The following FBN1 variants were observed in gnomAD, a reference collection of about 807,000 sequenced individuals.
The protein encoded by FBN1 is fibrillin 1.
Under a neutral mutation model 365.1 loss-of-function variants are expected in FBN1, and 29 were observed. The observed-to-expected ratio is 0.08, with a 90% CI of 0.06 to 0.11. FBN1 has a LOEUF of 0.11. Ranked by LOEUF, FBN1 falls within the 10% of genes least tolerant of loss-of-function variation. FBN1 has a pLI of 1.00. For synonymous variants in FBN1, 1,210 were observed against 1,270.5 expected (o/e 0.95, Z 1.01); for missense variants, 2,476 against 3,703.2 (o/e 0.67, Z 8.60).
At chr15:48,588,379 A>G (rs77442337) in intron 6 of FBN1, among the ~76,000 whole-genome samples, 1,711 of 152,302 alleles carry the variant, frequency 0.011, 37 homozygotes, top group African/African-American at 0.04. Flanking sequence ...TTATATTTCT[A>G]TTGTTCAGTA....
intron 40 of FBN1, 45 bp from the exon 41 acceptor site, chr15:48,464,066 A>G: frequency 2.5e-6 from 4 of 1,601,100 alleles, no homozygotes; most frequent in Non-Finnish European, 3.4e-6. Flanking sequence ...AAAACTTCAC[A>G]TTTTGGAATG....
At chr15:48,513,328 T>C (rs1385224139) in intron 13 of FBN1, among the ~76,000 whole-genome samples, 1 of 152,228 alleles carries the variant, frequency 6.6e-6, no homozygotes, top group Non-Finnish European at 1.5e-5. Context: ...AATAAGATTT[T>C]CCTTCAGGCA....
chr15:48,599,005 G>A (rs547071311), intron 5 of FBN1, among the ~76,000 whole-genome samples: 1 of 152,104 alleles, frequency 6.6e-6, no homozygotes, highest in Non-Finnish European at 1.5e-5. Context: ...CATGTAAGAC[G>A]TGACTTGTTG....
intron 50 of FBN1, among the ~76,000 whole-genome samples, chr15:48,441,479 T>C (rs574765075): frequency 1.3e-5 from 2 of 152,296 alleles, no homozygotes; most frequent in South Asian, 2.1e-4. Flanking sequence ...TTTGTGTTCT[T>C]AGTGGGAGAG....
chr15:48,604,803 T>A (rs529829148), intron 4 of FBN1, among the ~76,000 whole-genome samples: 14 of 152,308 alleles, frequency 9.2e-5, no homozygotes, highest in African/African-American at 3.1e-4. Flanking sequence ...TTCCTCTGAA[T>A]GTCCCCACAC....
At chr15:48,584,213 A>G (rs551762046) in intron 6 of FBN1, among the ~76,000 whole-genome samples, 1 of 152,312 alleles carries the variant, frequency 6.6e-6, no homozygotes, top group East Asian at 1.9e-4. Context: ...CAATCTTACT[A>G]GATAAATACT....
intron 10 of FBN1, among the ~76,000 whole-genome samples, chr15:48,517,411 AAGGG>A (rs1478507505): frequency 1.3e-4 from 20 of 152,300 alleles, no homozygotes; most frequent in African/African-American, 4.1e-4. Context: ...AGTGGCCCAT[AAGGG>A]AGGAGAAACA....
At chr15:48,575,378 A>C (rs1044862622) in intron 6 of FBN1, among the ~76,000 whole-genome samples, 4 of 152,144 alleles carry the variant, frequency 2.6e-5, no homozygotes, top group Non-Finnish European at 5.9e-5. Context: ...TAGGGGGTAC[A>C]AGCGCAGGTT....
At chr15:48,506,640 G>T (rs993423754) in intron 15 of FBN1, among the ~76,000 whole-genome samples, 2 of 152,212 alleles carry the variant, frequency 1.3e-5, no homozygotes, top group Non-Finnish European at 1.5e-5. Context: ...AGTGAACAGA[G>T]AAGCCATGTT....
Position 48,596,397 on chromosome 15 carries a change from G to A in FBN1, c.443-19C>T. ...CAAACAGCTGTAAAATAAGGAGAGA[G>A]CTGAGACGCTTTACCTGAAAATAAA... On this transcript the variant is annotated intron_variant, in intron 5 of 65. Transcript: ENST00000316623. The A allele has an allele frequency of 6.2e-7, 1 of 1,605,280 alleles. No individual in the cohort carries two copies. Among genetic ancestry groups the A allele is most frequent in the South Asian group, 1.1e-5 (1 of 90,902 alleles).
intron 6 of FBN1, among the ~76,000 whole-genome samples, chr15:48,591,695 C>T (rs2044477853): frequency 6.6e-6 from 1 of 152,214 alleles, no homozygotes; most frequent in Non-Finnish European, 1.5e-5. Context: ...TACCGTTCCT[C>T]AGAAAAGTCT....
rs1374615543 is a variant in FBN1, at chr15:48,437,759, C to T, written c.6313+9G>A. On this transcript the variant is annotated intron_variant, in intron 51 of 65. Transcript: ENST00000316623. ...ATGGCCCAGAGAGAAATGCAGATGA[C>T]AGACATACCATCAGGTTCCGTGGGG... is the stretch of plus-strand genomic sequence containing the variant. The T allele has an allele frequency of 3.7e-6, 6 of 1,613,302 alleles. No individual in the cohort carries two copies. The African/African-American group carries it at 8.0e-5, about 22-fold the overall frequency.
At chr15:48,448,144 T>A (rs541439873) in intron 46 of FBN1, among the ~76,000 whole-genome samples, 1 of 152,252 alleles carries the variant, frequency 6.6e-6, no homozygotes, top group East Asian at 1.9e-4. Context: ...ACTATATTAA[T>A]TGTTCTTTCA....
At chr15:48,474,449 T>G in intron 33 of FBN1, 72 bp from the exon 34 acceptor site, 1 of 1,611,330 alleles carries the variant, frequency 6.2e-7, no homozygotes, top group Non-Finnish European at 8.5e-7. Context: ...CAAATTAAAA[T>G]AACTTTACAT....
At chr15:48,586,881 C>T (rs2044439860) in intron 6 of FBN1, among the ~76,000 whole-genome samples, 1 of 152,022 alleles carries the variant, frequency 6.6e-6, no homozygotes. Flanking sequence ...ATCCAGATCT[C>T]CAAGATGAAG....
Position 48,420,688 on chromosome 15 carries a change from A to T in FBN1, c.7818T>A (p.Val2606=), listed in dbSNP as rs760944600. 6.2e-7 allele frequency: 1 copy of T among 1,614,144 alleles called. No individual in the cohort carries two copies. Among genetic ancestry groups the T allele is most frequent in the East Asian group, 2.2e-5 (1 of 44,878 alleles). The change falls in exon 63 of 66, where the codon GTT becomes GTA. Residue 2606 remains valine, a splice_region_variant and synonymous_variant. Coordinates refer to ENST00000316623, the MANE Select transcript of FBN1 (RefSeq NM_000138.5). ...YLQHYQWNQC[V]DENECLSAHI... ...TGAGAGTGAGGAAAAGTTACTTGCC[A>T]ACACACTGGTTCCACTGGTAGTGCT...
At chr15:48,448,062 A>C (rs2043172602) in intron 46 of FBN1, among the ~76,000 whole-genome samples, 1 of 152,178 alleles carries the variant, frequency 6.6e-6, no homozygotes, top group Non-Finnish European at 1.5e-5. Context: ...ACTCTGGAGA[A>C]GATACAACTT....
chr15:48,486,943 T>A (rs2043511922), intron 29 of FBN1, 132 bp downstream of exon 29: 2 of 683,792 alleles, frequency 2.9e-6, no homozygotes, highest in East Asian at 7.0e-5. Context: ...AAAGTAGCGA[T>A]GAAAACAAAA....
In FBN1 at chr15:48,432,737, C is replaced by T. The variant is rs1189327390; in HGVS notation, c.6739+129G>A. 10 of 1,230,740 alleles carry T rather than the reference C, an allele frequency of 8.1e-6. No individual in the cohort carries two copies. The East Asian group carries it at 9.5e-5, about 12-fold the overall frequency. The allele number at this position is 1,230,740 out of a possible 1,614,324, so 76.2% of individuals were successfully genotyped here. The stretch of plus-strand genomic sequence containing the variant: ...TTAGGGGGAAACGTGGCAGTGACAA[C>T]CCCCGTATTGTCCACGGACTATTTA... On this transcript the variant is annotated intron_variant, in intron 55 of 65. Coordinates refer to ENST00000316623, the MANE Select transcript of FBN1 (RefSeq NM_000138.5).
Sources: allele counts gnomAD v4.1 joint callset (sites outside exome capture counted in the v4.1 genomes callset), GRCh38; gene constraint gnomAD v4.1.1; transcripts MANE v1.5; gene names NCBI Gene and HGNC (gene_info 2026-07-23, HGNC 2026-07-21).